The following NT5E variants were observed in gnomAD, a reference collection of about 807,000 sequenced individuals.
The protein encoded by NT5E is 5'-nucleotidase ecto.
Under a neutral mutation model 55.1 loss-of-function variants are expected in NT5E, and 53 were observed. The ratio of observed to expected loss-of-function variants is 0.96; its 90% CI spans 0.77 to 1.21. NT5E has a LOEUF of 1.21. Ranked by LOEUF, NT5E falls within the 50% of genes most tolerant of loss-of-function variation. NT5E has a pLI of 0.00. For synonymous variants in NT5E, 270 were observed against 278.4 expected (o/e 0.97, Z 0.30); for missense variants, 683 against 724.3 (o/e 0.94, Z 0.65).
chr6:85,493,943 A>G lies in NT5E; in HGVS notation c.1664A>G (p.His555Arg). The G allele has an allele frequency of 6.2e-7, 1 of 1,614,106 alleles. No individual in the cohort carries two copies. Among genetic ancestry groups the G allele is most frequent in the Non-Finnish European group, 8.5e-7 (1 of 1,179,990 alleles). The change falls in exon 9 of 9, where the codon CAT becomes CGT. Residue 555 changes from histidine to arginine, a missense_variant. Transcript: ENST00000257770. ...AAGTTTTCCACAGGAAGTCACTGCCATGGAAGCTTTTCTTTAATATTTCTT... is the reference window on the plus strand; with the variant it reads ...AAGTTTTCCACAGGAAGTCACTGCCGTGGAAGCTTTTCTTTAATATTTCTT... ...RIKFSTGSHC[H>R]GSFSLIFLSL...
intron 3 of NT5E, among the ~76,000 whole-genome samples, chr6:85,474,465 TAG>T (rs1174442196): frequency 1.3e-5 from 2 of 152,302 alleles, no homozygotes; most frequent in African/African-American, 4.8e-5. Context: ...GGATAAAAAT[TAG>T]AGTTTGCTTA....
intron 3 of NT5E, among the ~76,000 whole-genome samples, chr6:85,475,763 G>A (rs527285211): frequency 5.9e-5 from 9 of 152,194 alleles, no homozygotes; most frequent in Non-Finnish European, 8.8e-5. Flanking sequence ...AATCAATCTG[G>A]CTAGCTATGG....
chr6:85,469,517 T>G (rs1769262358), intron 2 of NT5E, among the ~76,000 whole-genome samples: 1 of 152,204 alleles, frequency 6.6e-6, no homozygotes, highest in Admixed American at 6.5e-5. Flanking sequence ...GGAGAAGAAT[T>G]AAGCAGGAGG....
rs575476234 is a variant in NT5E at position 85,495,537 on chromosome 6, G to A, written c.*1533G>A. 7 of 152,130 alleles carry A rather than the reference G, an allele frequency of 4.6e-5. No homozygotes were observed. In the East Asian group the frequency reaches 1.2e-3, roughly 25 times the overall value. 9.4% of individuals were successfully genotyped at this position (152,130 alleles called of 1,614,324 possible). ...GTTGTTGCAGCAAAATAATAGCCTC[G>A]GTTCTATGCATATATGGATTAGCTA... On this transcript the variant is annotated 3_prime_UTR_variant, in exon 9 of 9. Coordinates refer to ENST00000257770, the MANE Select transcript of NT5E (RefSeq NM_002526.4).
chr6:85,471,524 A>G lies in NT5E; in HGVS notation c.751+99A>G. 1.1e-5 allele frequency: 9 copies of G among 837,522 alleles called. No individual in the cohort carries two copies. The South Asian group carries it at 1.5e-4, about 14-fold the overall frequency. The allele number at this position is 837,522 out of a possible 1,614,324, so 51.9% of individuals were successfully genotyped here. On this transcript the variant is annotated intron_variant, in intron 3 of 8. Coordinates refer to ENST00000257770, the MANE Select transcript of NT5E (RefSeq NM_002526.4). ...TTATTACTCTTTTTACTGCTATTTAATATGTAATGTATATTATATGATCTA... is the reference window on the plus strand; with the variant it reads ...TTATTACTCTTTTTACTGCTATTTAGTATGTAATGTATATTATATGATCTA...
Position 85,487,366 on chromosome 6 carries a change from G to A in NT5E, c.981G>A (p.Trp327Ter), listed in dbSNP as rs764347961. Residue 327 changes from tryptophan (W) to a stop codon, truncating the protein, a stop_gained, in exon 5 of 9, where the codon TGG becomes TGA. Transcript: ENST00000257770. LOFTEE classifies it high-confidence loss of function. Reference sequence around the variant, plus strand: ...GCATAAAAGCAGACATTAACAAATGGAGGATAAAATTGGATAATTATTCTA... The same window carrying A: ...GCATAAAAGCAGACATTAACAAATGAAGGATAAAATTGGATAATTATTCTA... ...DPSIKADINK[W>*]RIKLDNYSTQ... 6.2e-7 allele frequency: 1 copy of A among 1,613,662 alleles called. No individual in the cohort carries two copies. Among genetic ancestry groups the A allele is most frequent in the South Asian group, 1.1e-5 (1 of 91,064 alleles).
At position 85,494,252 on chromosome 6, in the gene NT5E, A is replaced by G; in HGVS notation, c.*248A>G. 2.1e-6 allele frequency: 1 copy of G among 487,170 alleles called. No homozygotes were observed. Among genetic ancestry groups the G allele is most frequent in the African/African-American group, 1.9e-5 (1 of 51,972 alleles). 30.2% of individuals were successfully genotyped at this position (487,170 alleles called of 1,614,324 possible). On this transcript the variant is annotated 3_prime_UTR_variant, in exon 9 of 9. Transcript: ENST00000257770. ...CCAACTATGTTAAGTTTACGTGTCC[A>G]AATTTTAATGAAATTTTACTAACAA...
chr6:85,469,143 A>G (rs1769254068), intron 2 of NT5E, among the ~76,000 whole-genome samples: 1 of 152,230 alleles, frequency 6.6e-6, no homozygotes, highest in South Asian at 2.1e-4. Context: ...TATTTTAGCT[A>G]GATCATTAAA....
intron 1 of NT5E, among the ~76,000 whole-genome samples, chr6:85,452,598 A>G (rs1282733264): frequency 6.6e-6 from 1 of 152,190 alleles, no homozygotes; most frequent in Non-Finnish European, 1.5e-5. Context: ...AGCGGATCAC[A>G]TGGCAAGGTT....
At chr6:85,468,805 G>A (rs1309825897) in intron 2 of NT5E, among the ~76,000 whole-genome samples, 1 of 152,002 alleles carries the variant, frequency 6.6e-6, no homozygotes, top group African/African-American at 2.4e-5. Flanking sequence ...GAAAGGCACA[G>A]CAGCTCCAGA....
chr6:85,450,211 T>C lies in NT5E; in HGVS notation c.72T>C (p.Ala24=). 6.2e-7 allele frequency: 1 copy of C among 1,608,840 alleles called. No individual in the cohort carries two copies. Among genetic ancestry groups the C allele is most frequent in the South Asian group, 1.1e-5 (1 of 90,332 alleles). The change falls in exon 1 of 9, where the codon GCT becomes GCC. Residue 24 remains alanine (A), a synonymous_variant. Transcript: ENST00000257770. This position sits in a 1 kb window ranked among gnomAD's most constrained non-coding sequence, Gnocchi z 4.0. ...LALGAVLWPA[A]GAWELTILHT... is the part of the protein sequence containing the mutation. ...TGGGCGCGGTGCTGTGGCCTGCGGCTGGCGCCTGGGAGCTTACGATTTTGC... is the reference window on the plus strand; with the variant it reads ...TGGGCGCGGTGCTGTGGCCTGCGGCCGGCGCCTGGGAGCTTACGATTTTGC...
intron 2 of NT5E, among the ~76,000 whole-genome samples, chr6:85,470,434 A>G (rs958563419): frequency 6.6e-6 from 1 of 152,222 alleles, no homozygotes; most frequent in African/African-American, 2.4e-5. Flanking sequence ...TAATGCTCTA[A>G]TGCTGGCATT....
intron 7 of NT5E, among the ~76,000 whole-genome samples, chr6:85,491,695 A>G (rs1298094355): frequency 6.6e-6 from 1 of 152,244 alleles, no homozygotes; most frequent in Non-Finnish European, 1.5e-5. Flanking sequence ...TCAGCATTTT[A>G]AGGGAAAAAC....
intron 5 of NT5E, among the ~76,000 whole-genome samples, chr6:85,488,751 T>G (rs1769720608): frequency 6.6e-6 from 1 of 152,030 alleles, no homozygotes; most frequent in Non-Finnish European, 1.5e-5. Context: ...CAGCTAATTT[T>G]TGTATCTTTA....
At chr6:85,488,380 C>T (rs1769710497) in intron 5 of NT5E, among the ~76,000 whole-genome samples, 1 of 152,160 alleles carries the variant, frequency 6.6e-6, no homozygotes, top group Non-Finnish European at 1.5e-5. Context: ...CAATCATGCT[C>T]ATGCCAAGAC....
chr6:85,492,482 C>T (rs182184619), intron 8 of NT5E, among the ~76,000 whole-genome samples: 1 of 152,276 alleles, frequency 6.6e-6, no homozygotes, highest in Admixed American at 6.5e-5. Flanking sequence ...TTTGCATTAA[C>T]AGAAATATCA....
rs890755771 is a variant in NT5E at position 85,494,742 on chromosome 6, G to A, written c.*738G>A. 1.1e-4 allele frequency: 17 copies of A among 152,228 alleles called. No individual in the cohort carries two copies. Among genetic ancestry groups the A allele is most frequent in the Admixed American group, 6.5e-4 (10 of 15,284 alleles). The allele number at this position is 152,228 out of a possible 1,614,324, so 9.4% of individuals were successfully genotyped here. A position where few individuals can be genotyped will look rare whatever the true frequency, so the allele number is the denominator to read the frequency against. The stretch of plus-strand genomic sequence containing the variant: ...CTTGCAACACCCATGTGCCTTTGAT[G>A]AGTCAGGTAGCAAGCTGTAGTAGAT... On this transcript the variant is annotated 3_prime_UTR_variant, in exon 9 of 9. Coordinates refer to ENST00000257770, the MANE Select transcript of NT5E (RefSeq NM_002526.4).
rs771431880 is a variant in NT5E at position 85,493,858 on chromosome 6, G to A, written c.1579G>A (p.Val527Met). 2.5e-6 allele frequency: 4 copies of A among 1,613,628 alleles called. No individual in the cohort carries two copies. The highest frequency in any genetic ancestry group is 4.5e-5 in the East Asian group (2 of 44,856). The change falls in exon 9 of 9, where the codon GTG (valine) becomes ATG (methionine). Residue 527 changes from valine (V) to methionine (M), a missense_variant. Transcript: ENST00000257770. ...TTTTCTAGGTGACCAAGATATCAAC[G>A]TGGTTTCTACATATATCTCCAAAAT... ...RHDSGDQDIN[V>M]VSTYISKMKV... is the part of the protein sequence containing the mutation.
chr6:85,469,561 CTTG>C (rs1384081839), intron 2 of NT5E, among the ~76,000 whole-genome samples: 2 of 152,062 alleles, frequency 1.3e-5, no homozygotes, highest in African/African-American at 4.8e-5. Flanking sequence ...GAAGGTATAC[CTTG>C]TTGTTTCAAA....
Sources: gnomAD v4.1 joint callset for allele counts (sites outside exome capture counted in the v4.1 genomes callset) on GRCh38, gnomAD v4.1.1 for gene constraint, Gnocchi (gnomAD v3.1) non-coding constraint, MANE v1.5 for transcripts, NCBI Gene and HGNC (gene_info 2026-07-23, HGNC 2026-07-21) for gene names.